Variants in CNTN3 observed in about 807,000 individuals in gnomAD.
CNTN3 encodes the protein contactin 3, also known as contactin-3.
CNTN3 carries 60 observed loss-of-function variants against 119.1 expected under a neutral mutation model. That is an observed-to-expected ratio of 0.50 (90% CI 0.41 to 0.62). CNTN3 has a LOEUF of 0.62. CNTN3 is among the 20% of genes least tolerant of loss of function. CNTN3 has a pLI of 0.00. For missense variants in CNTN3, 1,101 were observed against 1,242.4 expected (o/e 0.89, Z 1.71); for synonymous variants, 450 against 438.7 (o/e 1.03, Z -0.32).
At chr3:74,598,395 G>T (rs1477997413) in intron 1 of CNTN3, among the ~76,000 whole-genome samples, 1 of 151,994 alleles carries the variant, frequency 6.6e-6, no homozygotes, top group Non-Finnish European at 1.5e-5. Flanking sequence ...ACACCATATG[G>T]ATCAAAGATG....
At chr3:74,391,557 C>CTTTTTTTTTTTTTTTTTTTTTTTTTTT (rs554976641) in intron 5 of CNTN3, among the ~76,000 whole-genome samples, 9 of 87,030 alleles carry the variant, frequency 1.0e-4, no homozygotes, top group African/African-American at 4.2e-4. Flanking sequence ...CCCATAGTTT[C>CTTTTTTTTTTTTTTTTTTTTTTTTTTT]TTTTTTTTTT....
chr3:74,558,918 G>C (rs1350431761), intron 1 of CNTN3, among the ~76,000 whole-genome samples: 1 of 151,602 alleles, frequency 6.6e-6, no homozygotes, highest in Non-Finnish European at 1.5e-5. Flanking sequence ...GGGAGGTGGA[G>C]GTTGCAGTGA....
chr3:74,591,236 G>A (rs987290291), intron 1 of CNTN3, among the ~76,000 whole-genome samples: 3 of 151,706 alleles, frequency 2.0e-5, no homozygotes, highest in African/African-American at 7.3e-5. Flanking sequence ...TTTCATGTCC[G>A]TACATAAAGG....
chr3:74,560,660 C>A (rs1473108316), intron 1 of CNTN3, among the ~76,000 whole-genome samples: 1 of 152,136 alleles, frequency 6.6e-6, no homozygotes, highest in East Asian at 1.9e-4. Flanking sequence ...TTGACCCAGC[C>A]ATCCCATTAC....
intron 1 of CNTN3, among the ~76,000 whole-genome samples, chr3:74,583,569 G>A (rs1360565515): frequency 6.6e-6 from 1 of 152,126 alleles, no homozygotes; most frequent in African/African-American, 2.4e-5. Flanking sequence ...TGGGGAACTG[G>A]GGAGATAGAA....
chr3:74,285,174 GT>G, intron 20 of CNTN3, 130 bp downstream of exon 20: 2 of 982,276 alleles, frequency 2.0e-6, no homozygotes, highest in Non-Finnish European at 2.9e-6. Flanking sequence ...TTGGAGTTAG[GT>G]TTTGGAGTTA....
intron 13 of CNTN3, among the ~76,000 whole-genome samples, chr3:74,316,388 G>T (rs1204998735): frequency 2.0e-5 from 3 of 152,118 alleles, no homozygotes; most frequent in Non-Finnish European, 1.5e-5. Context: ...ACTGTTGGTG[G>T]GAATGTAAAT....
chr3:74,596,051 C>G (rs990350836), intron 1 of CNTN3, among the ~76,000 whole-genome samples: 2 of 152,036 alleles, frequency 1.3e-5, no homozygotes, highest in African/African-American at 2.4e-5. Context: ...CAAAAACAGA[C>G]AGAGAGCCAA....
intron 4 of CNTN3, among the ~76,000 whole-genome samples, chr3:74,484,280 A>G (rs1017144131): frequency 2.0e-5 from 3 of 152,110 alleles, no homozygotes; most frequent in Non-Finnish European, 4.4e-5. Flanking sequence ...AGAAACACCA[A>G]ATGGAAGCGG....
chr3:74,568,986 G>A (rs1704269104), intron 1 of CNTN3, among the ~76,000 whole-genome samples: 1 of 152,160 alleles, frequency 6.6e-6, no homozygotes, highest in South Asian at 2.1e-4. Context: ...CTTGATGGGT[G>A]GATAAAGCTT....
At chr3:74,316,089 A>T (rs1241871401) in intron 13 of CNTN3, among the ~76,000 whole-genome samples, 1 of 152,198 alleles carries the variant, frequency 6.6e-6, no homozygotes, top group Non-Finnish European at 1.5e-5. Context: ...TTGCAAAGTA[A>T]GTATCCAATA....
At chr3:74,451,614 C>T (rs964628275) in intron 4 of CNTN3, among the ~76,000 whole-genome samples, 2 of 152,068 alleles carry the variant, frequency 1.3e-5, no homozygotes, top group Admixed American at 6.5e-5. Context: ...AATGGTAACG[C>T]CTAGGTTTTC....
intron 5 of CNTN3, among the ~76,000 whole-genome samples, chr3:74,419,736 C>A (rs998465614): frequency 6.6e-6 from 1 of 152,204 alleles, no homozygotes; most frequent in African/African-American, 2.4e-5. Flanking sequence ...AAATTTCTAT[C>A]AGCCATTGTT....
chr3:74,390,369 CTTTTTTTT>C (rs34399433), intron 5 of CNTN3, among the ~76,000 whole-genome samples: 1 of 123,276 alleles, frequency 8.1e-6, no homozygotes, highest in South Asian at 2.6e-4. Context: ...TGAGAGTATG[CTTTTTTTT>C]TTTTTTTTTT....
At chr3:74,385,004 G>A in intron 5 of CNTN3, among the ~76,000 whole-genome samples, 1 of 152,194 alleles carries the variant, frequency 6.6e-6, no homozygotes, top group East Asian at 1.9e-4. Context: ...ATTTGAATGT[G>A]TGAAATCACA....
intron 11 of CNTN3, among the ~76,000 whole-genome samples, chr3:74,348,172 T>C (rs1225495863): frequency 6.6e-6 from 1 of 152,146 alleles, no homozygotes; most frequent in African/African-American, 2.4e-5. Context: ...AGAGAGCTGA[T>C]CTTAAGTGTT....
At chr3:74,558,271 A>G (rs556899653) in intron 1 of CNTN3, among the ~76,000 whole-genome samples, 1 of 152,202 alleles carries the variant, frequency 6.6e-6, no homozygotes, top group Non-Finnish European at 1.5e-5. Context: ...TCTTAATCCT[A>G]CTTCCTTTAT....
chr3:74,415,574 T>C (rs917089480), intron 5 of CNTN3, among the ~76,000 whole-genome samples: 23 of 152,308 alleles, frequency 1.5e-4, no homozygotes, highest in African/African-American at 5.1e-4. Flanking sequence ...ATGATGTCCA[T>C]TGCATTAGTT....
chr3:74,369,431 A>C, intron 7 of CNTN3, 58 bp from the exon 8 acceptor site: 1 of 1,381,972 alleles, frequency 7.2e-7, no homozygotes, highest in Non-Finnish European at 9.7e-7. Flanking sequence ...CAACTTGAGA[A>C]AATAAAGCTT....
Sources: gnomAD v4.1 joint callset for allele counts (sites outside exome capture counted in the v4.1 genomes callset) on GRCh38, gnomAD v4.1.1 for gene constraint, MANE v1.5 for transcripts, NCBI Gene and HGNC (gene_info 2026-07-23, HGNC 2026-07-21) for gene names.